HENMT1: variants seen among roughly 807,000 people sequenced by gnomAD.
The protein encoded by HENMT1 is small RNA 2'-O-methyltransferase.
HENMT1 carries 27 observed loss-of-function variants against 31.1 expected under a neutral mutation model. The observed-to-expected ratio is 0.87, with a 90% CI of 0.64 to 1.20. HENMT1 has a LOEUF of 1.20. HENMT1 is among the 50% of genes most tolerant of loss of function. The probability of loss-of-function intolerance (pLI) is 0.00; values close to 1 mark genes in which losing one functional copy is unlikely to be tolerated. For synonymous variants in HENMT1, 167 were observed against 172.2 expected (o/e 0.97, Z 0.24); for missense variants, 438 against 469.6 (o/e 0.93, Z 0.62).
In HENMT1 at chr1:108,648,749, G is replaced by T; in HGVS notation, c.999C>A (p.Phe333Leu). 1 of 1,614,164 alleles carries T rather than the reference G, an allele frequency of 6.2e-7. No homozygotes were observed. The highest frequency in any genetic ancestry group is 1.3e-5 in the African/African-American group (1 of 75,042). ...GTACGAAAAATTTATCTCCAACACA[G>T]AAGGGTGTGGGAGAGTTCTCTATCT... ...KAKIENSPTP[F>L]CVGDKFFVPL... Residue 333 changes from phenylalanine to leucine, a missense_variant, in exon 8 of 8, where the codon TTC (phenylalanine) becomes TTA (leucine). Coordinates refer to ENST00000651461, the MANE Select transcript of HENMT1 (RefSeq NM_001102592.2).
At chr1:108,653,361 AG>A (rs1318160135) in intron 5 of HENMT1, among the ~76,000 whole-genome samples, 1 of 152,164 alleles carries the variant, frequency 6.6e-6, no homozygotes, top group African/African-American at 2.4e-5. Flanking sequence ...ATGGACATTT[AG>A]GTAGATTCCG....
chr1:108,658,126 TATATA>T (rs1240059645), intron 2 of HENMT1, among the ~76,000 whole-genome samples: 26 of 146,144 alleles, frequency 1.8e-4, no homozygotes, highest in African/African-American at 6.9e-4. Flanking sequence ...CACATATATA[TATATA>T]TATTTTTTTT....
At chr1:108,657,990 T>TACAC (rs201214450) in intron 2 of HENMT1, among the ~76,000 whole-genome samples, 1 of 140,008 alleles carries the variant, frequency 7.1e-6, no homozygotes, top group Non-Finnish European at 1.6e-5. Flanking sequence ...CACACATATA[T>TACAC]ATACACACAC....
chr1:108,648,826 T>C lies in HENMT1; in HGVS notation c.922A>G (p.Lys308Glu). The change falls in exon 8 of 8, where the codon AAG (lysine) becomes GAG (glutamate). Residue 308 changes from lysine to glutamate, a missense_variant. Coordinates refer to ENST00000651461, the MANE Select transcript of HENMT1 (RefSeq NM_001102592.2). ...GGTCCAAAGCATGGGACAGGGGCCT[T>C]TGAGCCACCAATGTCTTTGGGCTTA... ...GDKPKDIGGS[K>E]APVPCFGPVF... 1 of 1,614,218 alleles carries C rather than the reference T, an allele frequency of 6.2e-7. No homozygotes were observed. The highest frequency in any genetic ancestry group is 8.5e-7 in the Non-Finnish European group (1 of 1,180,026).
chr1:108,661,143 G>A, upstream of HENMT1: 1 of 297,432 alleles, frequency 3.4e-6, no homozygotes, highest in Non-Finnish European at 5.0e-6. Context: ...CTACGCCGGC[G>A]CCCGCACCCG....
intron 2 of HENMT1, 84 bp from the exon 3 acceptor site, chr1:108,657,663 T>C (rs1309011080): frequency 6.1e-6 from 8 of 1,306,626 alleles, no homozygotes; most frequent in Admixed American, 2.4e-5. Flanking sequence ...AAAAAAACTT[T>C]ATTTCCCCCA....
chr1:108,658,778 A>G lies in HENMT1; in HGVS notation c.21+1086T>C, dbSNP rs369538775. ...TCATCTTTGCAATGTTCTTATTGCA[A>G]CAGTCCTCAATAAAGTCAGACTAAT... On this transcript the variant is annotated intron_variant, in intron 2 of 7. Coordinates refer to ENST00000651461, the MANE Select transcript of HENMT1 (RefSeq NM_001102592.2). Among the ~76,000 whole-genome samples, 1,186 of 152,352 alleles carry G rather than the reference A, an allele frequency of 7.8e-3. 15 individuals are homozygous for G. The highest frequency in any genetic ancestry group is 0.027 in the African/African-American group (1,121 of 41,586).
chr1:108,655,815 A>T (rs1445122057), intron 3 of HENMT1, 117 bp from the exon 4 acceptor site: 3 of 452,612 alleles, frequency 6.6e-6, no homozygotes, highest in African/African-American at 2.1e-5. Context: ...TAATGAAAGT[A>T]TTATATGGAA....
At chr1:108,660,274 C>G (rs1015200781) in intron 1 of HENMT1, among the ~76,000 whole-genome samples, 1 of 152,134 alleles carries the variant, frequency 6.6e-6, no homozygotes, top group African/African-American at 2.4e-5. Flanking sequence ...CATTCGCAAA[C>G]AGGCTCAGAA....
intron 5 of HENMT1, among the ~76,000 whole-genome samples, chr1:108,653,895 T>C (rs536796564): frequency 1.3e-5 from 2 of 152,354 alleles, no homozygotes; most frequent in South Asian, 4.1e-4. Flanking sequence ...ACCTTTCAGT[T>C]TCATATATTC....
At chr1:108,651,430 A>G in intron 5 of HENMT1, 1 of 480,892 alleles carries the variant, frequency 2.1e-6, no homozygotes, top group Non-Finnish European at 3.7e-6. Flanking sequence ...GGATCACCCA[A>G]GGTCAAGAGT....
chr1:108,660,094 TA>T (rs2101004416), intron 1 of HENMT1, 132 bp from the exon 2 acceptor site: 1 of 211,310 alleles, frequency 4.7e-6, no homozygotes, highest in African/African-American at 3.4e-5. Flanking sequence ...CGCTTAAAAG[TA>T]AATAATGAAT....
chr1:108,659,290 G>A (rs1375316214), intron 2 of HENMT1, among the ~76,000 whole-genome samples: 2 of 152,032 alleles, frequency 1.3e-5, no homozygotes, highest in Non-Finnish European at 1.5e-5. Flanking sequence ...TATGAGCCCA[G>A]GTGGTCAGCG....
At chr1:108,657,420 T>G (rs374822625) in intron 3 of HENMT1, 31 bp downstream of exon 3, 1 of 1,532,794 alleles carries the variant, frequency 6.5e-7, no homozygotes. Flanking sequence ...CTAGTCTTAA[T>G]AATTAAATGT....
At position 108,651,208 on chromosome 1, in the gene HENMT1, T is replaced by C. The variant is rs766106048; in HGVS notation, c.400A>G (p.Ile134Val). Residue 134 changes from isoleucine to valine, a missense_variant and splice_region_variant, in exon 6 of 8, where the codon ATA becomes GTA. Transcript: ENST00000651461. Reference sequence around the variant, plus strand: ...AGATCACCTGAATCCAAATGTTCTATTCTAAAATGGTTAATGAGAAAGACA... The same window carrying C: ...AGATCACCTGAATCCAAATGTTCTACTCTAAAATGGTTAATGAGAAAGACA... ...GFDLITCIELIEHLDSGDLAR... is the reference protein window; with the variant it reads ...GFDLITCIELVEHLDSGDLAR... 6.2e-7 allele frequency: 1 copy of C among 1,609,514 alleles called. No individual in the cohort carries two copies. Among genetic ancestry groups the C allele is most frequent in the Non-Finnish European group, 8.5e-7 (1 of 1,177,920 alleles).
At chr1:108,651,789 T>A (rs1304356169) in intron 5 of HENMT1, among the ~76,000 whole-genome samples, 2 of 151,958 alleles carry the variant, frequency 1.3e-5, no homozygotes, top group Non-Finnish European at 2.9e-5. Flanking sequence ...CAATTATTCA[T>A]ATATTCTCAT....
intron 2 of HENMT1, 94 bp downstream of exon 2, chr1:108,659,770 C>A: frequency 2.5e-6 from 2 of 798,102 alleles, no homozygotes; most frequent in Non-Finnish European, 4.2e-6. Context: ...ATGCTAGGAC[C>A]TAAATGTGAT....
chr1:108,660,650 C>T (rs1157474517), intron 1 of HENMT1, among the ~76,000 whole-genome samples: 2 of 152,320 alleles, frequency 1.3e-5, no homozygotes, highest in East Asian at 3.9e-4. Flanking sequence ...CCTGGCCGGG[C>T]GCGGTGGCTC....
chr1:108,658,174 C>T (rs1658324689), intron 2 of HENMT1, among the ~76,000 whole-genome samples: 2 of 151,888 alleles, frequency 1.3e-5, no homozygotes, highest in South Asian at 4.2e-4. Context: ...CTCTGTCACC[C>T]AGGCTGGAGT....
Sources: allele counts gnomAD v4.1 joint callset (sites outside exome capture counted in the v4.1 genomes callset), GRCh38; gene constraint gnomAD v4.1.1; transcripts MANE v1.5; gene names NCBI Gene and HGNC (gene_info 2026-07-23, HGNC 2026-07-21).